The following UVSSA variants were observed in gnomAD, a reference collection of about 807,000 sequenced individuals.
UVSSA encodes UV-stimulated scaffold protein A.
UVSSA carries 72 observed loss-of-function variants against 73.9 expected under a neutral mutation model. The observed-to-expected ratio is 0.97, with a 90% confidence interval of 0.81 to 1.19. The LOEUF is 1.19. Among genes scored for constraint, UVSSA ranks in the 50% most tolerant of loss-of-function variants. UVSSA has a pLI of 0.00. For missense variants in UVSSA, 1,150 were observed against 965.0 expected, an observed-to-expected ratio of 1.19 and a Z score of -2.54; for synonymous variants, 454 against 391.3, an observed-to-expected ratio of 1.16 and a Z score of -1.89.
chr4:1,350,398 C>A (rs974359448), intron 3 of UVSSA, among the ~76,000 whole-genome samples: 12 of 152,180 alleles, frequency 7.9e-5, no homozygotes, highest in African/African-American at 2.9e-4. Flanking sequence ...AATGACCCAG[C>A]CCTGCTGGCT....
chr4:1,368,441 T>C (rs532032780), intron 8 of UVSSA, among the ~76,000 whole-genome samples: 2 of 152,356 alleles, frequency 1.3e-5, no homozygotes, highest in African/African-American at 4.8e-5. Flanking sequence ...CGGTCTCCTT[T>C]CATCAGAAGA....
chr4:1,374,010 G>T (rs1313425865), intron 8 of UVSSA, among the ~76,000 whole-genome samples: 1 of 152,236 alleles, frequency 6.6e-6, no homozygotes, highest in Non-Finnish European at 1.5e-5. Flanking sequence ...CGCCCCAGCT[G>T]CCAGTTCGTT....
At position 1,349,626 on chromosome 4, in the gene UVSSA, A is replaced by G; in HGVS notation, c.201A>G (p.Glu67=). Residue 67 remains glutamate (E), a synonymous_variant, in exon 3 of 14, where the codon GAA becomes GAG. Transcript: ENST00000389851. Reference sequence around the variant, plus strand: ...TCTCAGCCTTCCAGATTGTGGAGGAACTCTTCGTCAGGTCTCACCAGTTCC... The same window carrying G: ...TCTCAGCCTTCCAGATTGTGGAGGAGCTCTTCGTCAGGTCTCACCAGTTCC... ...IRLSAFQIVE[E]LFVRSHQFRM... is the part of the protein sequence containing the mutation. 1.2e-6 allele frequency: 2 copies of G among 1,613,874 alleles called. No individual in the cohort carries two copies. Among genetic ancestry groups the G allele is most frequent in the South Asian group, 2.2e-5 (2 of 91,072 alleles).
rs775156104 is a variant in UVSSA at position 1,380,223 on chromosome 4, G to T, written c.1745G>T (p.Arg582Leu). Reference protein sequence around the residue: ...PDGRLCERQDRLKCPFHGKIV... With the variant: ...PDGRLCERQDLLKCPFHGKIV... ...GGCCGGCTCTGTGAGCGCCAAGACC[G>T]GCTGAAGGTGAGGCCGTGGCCCGAG... is the stretch of plus-strand genomic sequence containing the variant. The change falls in exon 11 of 14, where the codon CGG (arginine) becomes CTG (leucine). Residue 582 changes from arginine (R) to leucine (L), a missense_variant. By Grantham distance (102) the Arg-to-Leu change is moderately radical. Transcript: ENST00000389851. The T allele has an allele frequency of 6.2e-7, 1 of 1,610,792 alleles. No homozygotes were observed. The highest frequency in any genetic ancestry group is 8.5e-7 in the Non-Finnish European group (1 of 1,178,568).
chr4:1,379,114 G>A (rs1257900945), intron 10 of UVSSA, among the ~76,000 whole-genome samples: 1 of 152,126 alleles, frequency 6.6e-6, no homozygotes, highest in East Asian at 1.9e-4. Context: ...GCATCCTCAG[G>A]CACAGGGTGT....
chr4:1,388,832 C>G (rs961120294), downstream of UVSSA: 2 of 152,176 alleles, frequency 1.3e-5, no homozygotes, highest in African/African-American at 4.8e-5. Flanking sequence ...AATCCTTTTT[C>G]TATGCTGCTG....
At chr4:1,348,729 G>A (rs1226857548) in intron 2 of UVSSA, among the ~76,000 whole-genome samples, 1 of 152,304 alleles carries the variant, frequency 6.6e-6, no homozygotes, top group South Asian at 2.1e-4. Flanking sequence ...TTTGTAAAAT[G>A]GCAGTTTATA....
intron 8 of UVSSA, chr4:1,374,899 C>A (rs923527986): frequency 5.5e-6 from 1 of 180,816 alleles, no homozygotes; most frequent in Non-Finnish European, 1.2e-5. Flanking sequence ...CATGTGAGCA[C>A]CCTGTGGGTG....
At chr4:1,361,281 C>T (rs1336736983) in intron 7 of UVSSA, among the ~76,000 whole-genome samples, 1 of 152,254 alleles carries the variant, frequency 6.6e-6, no homozygotes, top group Non-Finnish European at 1.5e-5. Context: ...ACCATGCTGG[C>T]TGGCAGCTCC....
rs1714054475 is a variant in UVSSA at position 1,348,331 on chromosome 4, C to G, written c.98+142C>G. 4.6e-6 allele frequency: 3 copies of G among 659,264 alleles called. No homozygotes were observed. In the South Asian group the frequency reaches 5.4e-5, roughly 12 times the overall value. The allele number at this position is 659,264 out of a possible 1,614,324, so 40.8% of individuals were successfully genotyped here. ...CATTTTCTCGGGGCCCTGCAGTACCCGGCTCTGACGGGTGGTCATGTTCTG... is the reference window on the plus strand; with the variant it reads ...CATTTTCTCGGGGCCCTGCAGTACCGGGCTCTGACGGGTGGTCATGTTCTG... On this transcript the variant is annotated intron_variant, in intron 2 of 13. Coordinates refer to ENST00000389851, the MANE Select transcript of UVSSA (RefSeq NM_020894.4).
intron 13 of UVSSA, chr4:1,384,601 G>A (rs528439559): frequency 6.6e-6 from 1 of 152,316 alleles, no homozygotes; most frequent in South Asian, 2.1e-4. Flanking sequence ...TCTCGCCTAA[G>A]AAAATCCAGA....
In UVSSA at chr4:1,380,178, G is replaced by C. The variant is rs772994498; in HGVS notation, c.1700G>C (p.Cys567Ser). Residue 567 changes from cysteine to serine, a missense_variant, in exon 11 of 14, where the codon TGC becomes TCC. Physicochemically the swap from Cys to Ser is moderately radical, Grantham distance 112 (BLOSUM62 -1). Coordinates refer to ENST00000389851, the MANE Select transcript of UVSSA (RefSeq NM_020894.4). ...AGKFEPVQHW[C>S]RAPRPDGRLC... is the part of the protein sequence containing the mutation. ...AAGTTTGAGCCTGTGCAGCACTGGT[G>C]CCGTGCCCCGAGGCCAGACGGCCGG... is the stretch of plus-strand genomic sequence containing the variant. The C allele has an allele frequency of 6.2e-7, 1 of 1,613,026 alleles. No homozygotes were observed. The highest frequency in any genetic ancestry group is 1.1e-5 in the South Asian group (1 of 91,080).
chr4:1,343,824 T>C (rs902100715), upstream of UVSSA, among the ~76,000 whole-genome samples: 3 of 152,194 alleles, frequency 2.0e-5, no homozygotes, highest in African/African-American at 7.2e-5. Context: ...TTCATTCCTT[T>C]TATAAAGTTT....
chr4:1,354,719 G>A lies in UVSSA; in HGVS notation c.935-16G>A, dbSNP rs764006505. 4.0e-5 allele frequency: 64 copies of A among 1,610,676 alleles called. 1 individual carries two copies. The South Asian group carries it at 6.2e-4, about 16-fold the overall frequency. ...CAGTCGGCGCCCTCTTGTGACCTCT[G>A]TGTGCTTCTCCCCAGAGGGCCTGAA... On this transcript the variant is annotated splice_polypyrimidine_tract_variant and intron_variant, in intron 5 of 13. Coordinates refer to ENST00000389851, the MANE Select transcript of UVSSA (RefSeq NM_020894.4).
chr4:1,370,215 A>G (rs1281712042), intron 8 of UVSSA, among the ~76,000 whole-genome samples: 2 of 152,168 alleles, frequency 1.3e-5, no homozygotes, highest in Non-Finnish European at 1.5e-5. Flanking sequence ...TAAATGTCAC[A>G]TTGTTCACTT....
intron 4 of UVSSA, among the ~76,000 whole-genome samples, 172 bp from the exon 5 acceptor site, chr4:1,352,858 C>T (rs73075570): frequency 8.5e-5 from 13 of 152,342 alleles, no homozygotes; most frequent in African/African-American, 3.1e-4. Flanking sequence ...GGCGGCTGCA[C>T]TACCTGAGCC....
intron 8 of UVSSA, among the ~76,000 whole-genome samples, chr4:1,368,431 C>T (rs779262916): frequency 3.9e-5 from 6 of 152,226 alleles, no homozygotes; most frequent in Non-Finnish European, 7.3e-5. Context: ...AAGAACAGAG[C>T]GGTCTCCTTT....
intron 7 of UVSSA, among the ~76,000 whole-genome samples, chr4:1,361,872 A>G (rs1401418609): frequency 6.7e-6 from 1 of 149,382 alleles, no homozygotes; most frequent in Non-Finnish European, 1.5e-5. Context: ...TTTTTTTTAT[A>G]AAAAGGGAAA....
chr4:1,360,675 C>G (rs574361810), intron 7 of UVSSA, among the ~76,000 whole-genome samples: 1 of 152,238 alleles, frequency 6.6e-6, no homozygotes, highest in South Asian at 2.1e-4. Context: ...TTCCCGCCCC[C>G]GTGAGCCGAG....
Sources: allele counts gnomAD v4.1 joint callset (sites outside exome capture counted in the v4.1 genomes callset), GRCh38; gene constraint gnomAD v4.1.1; transcripts MANE v1.5; gene names NCBI Gene and HGNC (gene_info 2026-07-23, HGNC 2026-07-21).